Variants in STK40 observed in about 807,000 individuals in gnomAD.
STK40 encodes the protein serine/threonine-protein kinase 40.
STK40 carries 13 observed loss-of-function variants against 47.9 expected under a neutral mutation model. The observed-to-expected ratio is 0.27, with a 90% CI of 0.18 to 0.43. The LOEUF (loss-of-function observed/expected upper bound fraction) is 0.43, where lower values mean the gene tolerates loss of function less well. Among genes scored for constraint, STK40 ranks in the 20% least tolerant of loss-of-function variants. STK40 has a pLI of 1.00. For synonymous variants in STK40, 225 were observed against 243.2 expected, an observed-to-expected ratio of 0.93 and a Z score of 0.69; for missense variants, 460 against 595.1, an observed-to-expected ratio of 0.77 and a Z score of 2.36.
chr1:36,379,943 T>C (rs1008672891), intron 1 of STK40, among the ~76,000 whole-genome samples: 1 of 152,174 alleles, frequency 6.6e-6, no homozygotes, highest in Non-Finnish European at 1.5e-5. Context: ...CAGAAGTGTT[T>C]AGAGAGTAGA....
At chr1:36,367,538 T>A (rs1646912980) in intron 1 of STK40, among the ~76,000 whole-genome samples, 1 of 152,106 alleles carries the variant, frequency 6.6e-6, no homozygotes. Context: ...CAGAGCCACA[T>A]AAGGGTTCCA....
At chr1:36,369,603 T>C (rs1474149533) in intron 1 of STK40, among the ~76,000 whole-genome samples, 1 of 152,176 alleles carries the variant, frequency 6.6e-6, no homozygotes, top group African/African-American at 2.4e-5. Flanking sequence ...CTCACTGAAA[T>C]GTCACCTGCT....
At chr1:36,370,578 A>C (rs1646936524) in intron 1 of STK40, among the ~76,000 whole-genome samples, 1 of 152,180 alleles carries the variant, frequency 6.6e-6, no homozygotes, top group Non-Finnish European at 1.5e-5. Flanking sequence ...CGCTCTGCAG[A>C]CCACCCGTGC....
intron 1 of STK40, among the ~76,000 whole-genome samples, chr1:36,381,777 C>T (rs1647041518): frequency 6.6e-6 from 1 of 152,168 alleles, no homozygotes; most frequent in Non-Finnish European, 1.5e-5. Context: ...GTGTGAGCTG[C>T]TGTGCCCAGT....
At chr1:36,383,144 C>A (rs1570472313) in intron 1 of STK40, among the ~76,000 whole-genome samples, 1 of 152,300 alleles carries the variant, frequency 6.6e-6, no homozygotes, top group Admixed American at 6.5e-5. Flanking sequence ...GAAGGGGTTT[C>A]TCCATGTTAG....
chr1:36,346,666 T>G (rs971998446), intron 7 of STK40, among the ~76,000 whole-genome samples: 1 of 152,250 alleles, frequency 6.6e-6, no homozygotes, highest in African/African-American at 2.4e-5. Context: ...CAGTCGAGGA[T>G]TCTCTCTGAT....
chr1:36,361,019 C>G (rs909883201), intron 2 of STK40, among the ~76,000 whole-genome samples: 1 of 152,130 alleles, frequency 6.6e-6, no homozygotes, highest in South Asian at 2.1e-4. Context: ...TACAGAGTGA[C>G]CCAAGGCTTG....
intron 6 of STK40, among the ~76,000 whole-genome samples, chr1:36,351,833 G>A (rs750828343): frequency 9.9e-5 from 15 of 152,204 alleles, no homozygotes; most frequent in South Asian, 4.1e-4. Flanking sequence ...GCATGAGCCC[G>A]GCAAGTTCCC....
chr1:36,375,206 T>C (rs1013815415), intron 1 of STK40, among the ~76,000 whole-genome samples: 1 of 152,158 alleles, frequency 6.6e-6, no homozygotes, highest in African/African-American at 2.4e-5. Flanking sequence ...ACGCTTAACT[T>C]AGAAATGTTA....
At chr1:36,358,131 GAC>G in intron 4 of STK40, 106 bp downstream of exon 4, 2 of 1,347,634 alleles carry the variant, frequency 1.5e-6, no homozygotes, top group Non-Finnish European at 2.0e-6. Context: ...GCATGGCAGG[GAC>G]ACCCAAGGGT....
chr1:36,347,323 C>T (rs1305878487), intron 7 of STK40, among the ~76,000 whole-genome samples: 1 of 152,124 alleles, frequency 6.6e-6, no homozygotes, highest in Non-Finnish European at 1.5e-5. Context: ...TGGTGTAAGC[C>T]CCGGTTCCCT....
At chr1:36,362,657 C>T (rs1646863064) in intron 1 of STK40, 1 of 152,160 alleles carries the variant, frequency 6.6e-6, no homozygotes. Flanking sequence ...CTGATGTTCT[C>T]TGCAGAAACA....
intron 1 of STK40, among the ~76,000 whole-genome samples, chr1:36,363,947 C>G (rs767146176): frequency 5.3e-5 from 8 of 151,940 alleles, no homozygotes; most frequent in South Asian, 2.1e-4. Flanking sequence ...GTCAGGAGAT[C>G]GAGACCATCC....
rs771364389 is a variant in STK40, at chr1:36,355,398, G to A, written c.378C>T (p.Ser126=). 1 of 1,614,186 alleles carries A rather than the reference G, an allele frequency of 6.2e-7. No individual in the cohort carries two copies. The highest frequency in any genetic ancestry group is 8.5e-7 in the Non-Finnish European group (1 of 1,180,034). ...RTCEIVEDTE[S]SRMVKKMKKR... is the part of the protein sequence containing the mutation. The stretch of plus-strand genomic sequence containing the variant: ...TCTTCATCTTCTTAACCATCCGGCT[G>A]GATTCTGTGTCCTCAACGATTTCAC... Residue 126 remains serine (S), a synonymous_variant, in exon 5 of 11, where the codon TCC becomes TCT. Transcript: ENST00000373132.
intron 1 of STK40, among the ~76,000 whole-genome samples, chr1:36,368,560 CTATTT>C (rs1646920226): frequency 6.6e-6 from 1 of 152,146 alleles, no homozygotes; most frequent in African/African-American, 2.4e-5. Context: ...TCTACTCATG[CTATTT>C]TTTTTTCCAA....
chr1:36,358,263 C>A lies in STK40; in HGVS notation c.318G>T (p.Val106=). The A allele has an allele frequency of 6.3e-7, 1 of 1,595,328 alleles. No individual in the cohort carries two copies. The highest frequency in any genetic ancestry group is 8.6e-7 in the Non-Finnish European group (1 of 1,164,642). The change falls in exon 4 of 11, where the codon GTG becomes GTT. Residue 106 remains valine, a synonymous_variant. Transcript: ENST00000373132. ...CCTGGAAGAGGCCGTGGTGGTGCAC[C>A]ACGCCATCCTGCGTGTGCAGGAGAG... The part of the protein sequence containing the change: ...LLSLLHTQDG[V]VHHHGLFQDR...
At chr1:36,378,607 C>T (rs763602764) in intron 1 of STK40, among the ~76,000 whole-genome samples, 1 of 152,026 alleles carries the variant, frequency 6.6e-6, no homozygotes, top group Admixed American at 6.5e-5. Flanking sequence ...TACAGCCGTG[C>T]GCCACCACGC....
At chr1:36,356,306 C>A (rs1387347056) in intron 4 of STK40, among the ~76,000 whole-genome samples, 1 of 152,018 alleles carries the variant, frequency 6.6e-6, no homozygotes, top group East Asian at 1.9e-4. Flanking sequence ...AGACAAAAAA[C>A]AGGGGGACTT....
chr1:36,343,187 G>T (rs1395381019), intron 10 of STK40, 177 bp downstream of exon 10: 1 of 761,086 alleles, frequency 1.3e-6, no homozygotes, highest in African/African-American at 1.7e-5. Context: ...CCCAAGGCAG[G>T]CCCCAGGCAG....
Sources: allele counts gnomAD v4.1 joint callset (sites outside exome capture counted in the v4.1 genomes callset), GRCh38; gene constraint gnomAD v4.1.1; transcripts MANE v1.5; gene names NCBI Gene and HGNC (gene_info 2026-07-23, HGNC 2026-07-21).